Variants in FBXL5 observed in about 807,000 individuals in gnomAD.
FBXL5 encodes F-box/LRR-repeat protein 5.
FBXL5 carries 26 observed loss-of-function variants against 78.3 expected under a neutral mutation model. The observed-to-expected ratio is 0.33, with a 90% CI of 0.24 to 0.46. FBXL5 has a LOEUF of 0.46. FBXL5 is among the 20% of genes least tolerant of loss of function. The probability of loss-of-function intolerance (pLI) is 1.00; values close to 1 mark genes in which losing one functional copy is unlikely to be tolerated. For missense variants in FBXL5, 710 were observed against 829.2 expected (o/e 0.86, Z 1.77); for synonymous variants, 295 against 282.5 (o/e 1.04, Z -0.45).
At chr4:15,664,620 C>T (rs901956443), upstream of FBXL5, among the ~76,000 whole-genome samples, 8 of 126,434 alleles carry the variant, frequency 6.3e-5, no homozygotes, top group African/African-American at 2.1e-4. Context: ...TGCAATGGTA[C>T]GATCTCAGCT....
rs781584475 is a variant in FBXL5 at position 15,644,678 on chromosome 4, CGTT to C, written c.112_114del (p.Asn38del). On this transcript the variant is annotated inframe_deletion, in exon 2 of 11. Coordinates refer to ENST00000341285, the MANE Select transcript of FBXL5 (RefSeq NM_012161.4). ...AAAGACTGCAGAAGAGCACGGAAAT[CGTT>C]GTTGTTGGAAAAATTGGTTTTAGAA... 1.2e-6 allele frequency: 2 copies of C among 1,607,500 alleles called. No individual in the cohort carries two copies. Among genetic ancestry groups the C allele is most frequent in the Non-Finnish European group, 8.5e-7 (1 of 1,176,800 alleles).
rs1721837835 is a variant in FBXL5 at position 15,605,698 on chromosome 4, G to A, written c.*25C>T. ...AAGAAAGCCTGCTCAGCTAAATGAA[G>A]TAGACAAAGATCAGAAGTCAAGGGT... is the stretch of plus-strand genomic sequence containing the variant. On this transcript the variant is annotated 3_prime_UTR_variant, in exon 11 of 11. Coordinates refer to ENST00000341285, the MANE Select transcript of FBXL5 (RefSeq NM_012161.4). 1.1e-5 allele frequency: 18 copies of A among 1,605,614 alleles called. No individual in the cohort carries two copies. The highest frequency in any genetic ancestry group is 1.4e-5 in the Non-Finnish European group (17 of 1,172,972).
chr4:15,652,959 A>C (rs529905640), intron 1 of FBXL5, among the ~76,000 whole-genome samples: 1 of 152,350 alleles, frequency 6.6e-6, no homozygotes, highest in Admixed American at 6.5e-5. Flanking sequence ...GATAAAAACA[A>C]ACAAGGTACT....
rs1490127606 is a variant in FBXL5, at chr4:15,638,891, G to A, written c.397-197C>T. Among the ~76,000 whole-genome samples, 6 of 152,294 alleles carry A rather than the reference G, an allele frequency of 3.9e-5. No individual in the cohort carries two copies. In the East Asian group the frequency reaches 7.7e-4, roughly 20 times the overall value. On this transcript the variant is annotated intron_variant, in intron 3 of 10. Coordinates refer to ENST00000341285, the MANE Select transcript of FBXL5 (RefSeq NM_012161.4). ...TACACCAAGAAGATCCTGGCCAGGC[G>A]CGGTGGCTAACACCTGTAATCCCAG...
rs1187485768 is a variant in FBXL5, at chr4:15,638,492, T to C, written c.583+16A>G. On this transcript the variant is annotated intron_variant, in intron 4 of 10. Transcript: ENST00000341285. ...CTTACAACTAATAAATTGTTCTTTA[T>C]ATATATGAATCTCACCTTTATCTGA... 3 of 1,552,294 alleles carry C rather than the reference T, an allele frequency of 1.9e-6. No individual in the cohort carries two copies. Among genetic ancestry groups the C allele is most frequent in the East Asian group, 2.3e-5 (1 of 44,206 alleles).
upstream of FBXL5, among the ~76,000 whole-genome samples, chr4:15,657,674 C>T (rs767395739): frequency 1.3e-5 from 2 of 152,174 alleles, no homozygotes; most frequent in African/African-American, 2.4e-5. Context: ...GTAATTTTTC[C>T]CATGGAAAGC....
At chr4:15,637,184 C>T (rs1290858219) in intron 4 of FBXL5, among the ~76,000 whole-genome samples, 5 of 152,094 alleles carry the variant, frequency 3.3e-5, no homozygotes. Flanking sequence ...AAGAGGTCTG[C>T]GAAATCTGAC....
intron 1 of FBXL5, among the ~76,000 whole-genome samples, chr4:15,672,552 T>G (rs4470622): frequency 0.64 from 97,491 of 152,012 alleles, 31,391 homozygotes; most frequent in Non-Finnish European, 0.66. Context: ...CATAGAAAAG[T>G]TATAGTAAAA....
chr4:15,626,345 T>C (rs1357375836), intron 8 of FBXL5, among the ~76,000 whole-genome samples: 1 of 152,178 alleles, frequency 6.6e-6, no homozygotes, highest in Non-Finnish European at 1.5e-5. Context: ...TCTAGGAAGA[T>C]GGAGCATTAG....
intron 1 of FBXL5, among the ~76,000 whole-genome samples, chr4:15,646,807 T>A (rs1715404559): frequency 6.6e-6 from 1 of 151,716 alleles, no homozygotes; most frequent in East Asian, 1.9e-4. Flanking sequence ...TTGGTTTTTT[T>A]GTCCTTGCGA....
intron 10 of FBXL5, among the ~76,000 whole-genome samples, chr4:15,609,614 T>C (rs1722105524): frequency 6.6e-6 from 1 of 152,108 alleles, no homozygotes; most frequent in African/African-American, 2.4e-5. Context: ...TTTGCTATCA[T>C]TGCTCAAATG....
intron 2 of FBXL5, among the ~76,000 whole-genome samples, chr4:15,642,782 C>A (rs914231396): frequency 6.6e-6 from 1 of 152,142 alleles, no homozygotes; most frequent in African/African-American, 2.4e-5. Context: ...TCTTTACCAC[C>A]TCCTATTCAT....
At chr4:15,613,816 G>C (rs569180283) in intron 9 of FBXL5, among the ~76,000 whole-genome samples, 1 of 149,000 alleles carries the variant, frequency 6.7e-6, no homozygotes, top group Non-Finnish European at 1.5e-5. Flanking sequence ...TTTCTCTGGG[G>C]ATTTTCCCAT....
At chr4:15,667,887 C>G (rs1207957062) in intron 1 of FBXL5, among the ~76,000 whole-genome samples, 1 of 151,828 alleles carries the variant, frequency 6.6e-6, no homozygotes. Context: ...AATAAAAATA[C>G]AAAATTAGCC....
In FBXL5 at chr4:15,627,915, T is replaced by C. The variant is rs1713229258; in HGVS notation, c.1011A>G (p.Leu337=). ...TGCTGGAAACTGCAGAGCTGTATGC[T>C]AATACTAAGGTTTTTACAGAAGTAC... ...YVGTSVKTLV[L]AYSSAVSSKM... Residue 337 remains leucine, a synonymous_variant, in exon 7 of 11, where the codon TTA becomes TTG. Transcript: ENST00000341285. 1.2e-6 allele frequency: 2 copies of C among 1,613,596 alleles called. No homozygotes were observed. Among genetic ancestry groups the C allele is most frequent in the Non-Finnish European group, 8.5e-7 (1 of 1,179,818 alleles).
At chr4:15,680,673 C>T (rs1392112589) in intron 1 of FBXL5, among the ~76,000 whole-genome samples, 1 of 151,360 alleles carries the variant, frequency 6.6e-6, no homozygotes, top group South Asian at 2.1e-4. Flanking sequence ...GAGACTCCGT[C>T]TCAAAAATTA....
At chr4:15,673,310 C>G (rs541618096) in intron 1 of FBXL5, among the ~76,000 whole-genome samples, 10 of 151,824 alleles carry the variant, frequency 6.6e-5, no homozygotes, top group African/African-American at 2.4e-4. Context: ...GTGTGTTGAC[C>G]CGTGCCTGTA....
upstream of FBXL5, chr4:15,659,649 G>A (rs1385301450): frequency 1.9e-6 from 1 of 535,324 alleles, no homozygotes; most frequent in African/African-American, 2.0e-5. Flanking sequence ...TGTGTATAGT[G>A]GTCCATAAAG....
intron 1 of FBXL5, among the ~76,000 whole-genome samples, chr4:15,654,855 G>C (rs1346936014): frequency 6.6e-6 from 1 of 152,184 alleles, no homozygotes; most frequent in Non-Finnish European, 1.5e-5. Context: ...CGAGGAGGTA[G>C]GGCCGCTCTC....
Sources: allele counts gnomAD v4.1 joint callset (sites outside exome capture counted in the v4.1 genomes callset), GRCh38; gene constraint gnomAD v4.1.1; transcripts MANE v1.5; gene names NCBI Gene and HGNC (gene_info 2026-07-23, HGNC 2026-07-21).